Variants in POLN observed in about 807,000 individuals in gnomAD.
The protein encoded by POLN is DNA polymerase N.
Under a neutral mutation model 113.5 loss-of-function variants are expected in POLN, and 108 were observed. The ratio of observed to expected loss-of-function variants is 0.95; its 90% CI spans 0.81 to 1.12. The LOEUF (loss-of-function observed/expected upper bound fraction) is 1.12. Among genes scored for constraint, POLN ranks in the 50% most tolerant of loss-of-function variants. The probability of loss-of-function intolerance (pLI) is 0.00; values close to 1 mark genes in which losing one functional copy is unlikely to be tolerated. For synonymous variants in POLN, 386 were observed against 391.5 expected (o/e 0.99, Z 0.17); for missense variants, 1,097 against 1,077.1 (o/e 1.02, Z -0.26).
intron 19 of POLN, among the ~76,000 whole-genome samples, chr4:2,116,260 A>C (rs971215839): frequency 1.3e-5 from 2 of 152,210 alleles, no homozygotes; most frequent in African/African-American, 4.8e-5. Context: ...CTGTCACACC[A>C]ACCCACATGT....
At chr4:2,180,940 G>A (rs953788189) in intron 7 of POLN, among the ~76,000 whole-genome samples, 1 of 151,680 alleles carries the variant, frequency 6.6e-6, no homozygotes, top group Non-Finnish European at 1.5e-5. Flanking sequence ...AAGTAAATCC[G>A]AATAATATAC....
chr4:2,195,731 C>A (rs959346549), intron 6 of POLN, among the ~76,000 whole-genome samples: 1 of 152,120 alleles, frequency 6.6e-6, no homozygotes, highest in Non-Finnish European at 1.5e-5. Context: ...CATCCTCCCA[C>A]CTCAGCCTGA....
intron 16 of POLN, among the ~76,000 whole-genome samples, chr4:2,147,335 G>GA (rs1200128691): frequency 1.3e-5 from 2 of 152,130 alleles, no homozygotes; most frequent in Non-Finnish European, 2.9e-5. Context: ...AGTGCAATGA[G>GA]AAAAAAGGTC....
At chr4:2,223,661 T>C (rs149580794) in intron 3 of POLN, among the ~76,000 whole-genome samples, 47 of 152,350 alleles carry the variant, frequency 3.1e-4, no homozygotes, top group Non-Finnish European at 5.9e-5. Flanking sequence ...AGCTCAAACC[T>C]GTACAGCATG....
chr4:2,090,114 A>AT, intron 20 of POLN: 1 of 963,984 alleles, frequency 1.0e-6, no homozygotes. Context: ...AATCCAAATG[A>AT]TTTGCTAACT....
chr4:2,077,531 G>A (rs181861324), intron 23 of POLN, among the ~76,000 whole-genome samples: 17 of 152,352 alleles, frequency 1.1e-4, no homozygotes, highest in Non-Finnish European at 1.6e-4. Context: ...TCAGAGGGGC[G>A]ACAGAGCCCC....
intron 16 of POLN, among the ~76,000 whole-genome samples, chr4:2,146,583 G>T (rs1355696338): frequency 6.6e-6 from 1 of 152,098 alleles, no homozygotes; most frequent in African/African-American, 2.4e-5. Flanking sequence ...CACTGTATTG[G>T]GCTCTATAGC....
At chr4:2,110,874 TC>T (rs1280822031) in intron 19 of POLN, among the ~76,000 whole-genome samples, 6 of 152,288 alleles carry the variant, frequency 3.9e-5, no homozygotes, top group African/African-American at 9.6e-5. Context: ...GAGGGAATCC[TC>T]CCTAACTCAT....
chr4:2,158,297 C>T (rs538026679), intron 14 of POLN, among the ~76,000 whole-genome samples: 61 of 152,132 alleles, frequency 4.0e-4, no homozygotes, highest in African/African-American at 1.4e-3. Flanking sequence ...CACAGAGTGC[C>T]GGGCACGTGC....
chr4:2,148,031 G>A (rs942535315), intron 16 of POLN, among the ~76,000 whole-genome samples: 4 of 152,122 alleles, frequency 2.6e-5, no homozygotes, highest in African/African-American at 4.8e-5. Context: ...ACACAGAAAA[G>A]GCTCCCATTC....
chr4:2,161,531 G>T (rs1458391117), intron 13 of POLN, among the ~76,000 whole-genome samples: 2 of 152,200 alleles, frequency 1.3e-5, no homozygotes, highest in East Asian at 3.9e-4. Flanking sequence ...CCTGCAACCC[G>T]CCATGCCTTA....
chr4:2,131,210 C>T, intron 17 of POLN, 23 bp downstream of exon 17: 1 of 1,531,630 alleles, frequency 6.5e-7, no homozygotes, highest in Non-Finnish European at 9.0e-7. Flanking sequence ...GAGACTTTAG[C>T]AAGGTAGTAA....
At chr4:2,241,959 A>G (rs1735006192) in intron 1 of POLN, 92 bp downstream of exon 1, 1 of 984,422 alleles carries the variant, frequency 1.0e-6, no homozygotes, top group Non-Finnish European at 1.2e-6. Flanking sequence ...GGAGCGCAGG[A>G]AAAAAAAGAG....
In POLN at chr4:2,174,884, G is replaced by GT; in HGVS notation, c.1249-134dup. 2 of 616,702 alleles carry GT rather than the reference G, an allele frequency of 3.2e-6. 1 individual carries two copies. The highest frequency in any genetic ancestry group is 3.8e-5 in the South Asian group (2 of 52,228). The allele number at this position is 616,702 out of a possible 1,614,324, so 38.2% of individuals were successfully genotyped here. On this transcript the variant is annotated intron_variant, in intron 9 of 25. Coordinates refer to ENST00000511885, the MANE Select transcript of POLN (RefSeq NM_181808.4). The stretch of plus-strand genomic sequence containing the variant: ...GCTGCCCAGGTTGGAGTGCAGTGGC[G>GT]TGATCTCAGCGCACTGCAACCTCCA...
chr4:2,195,773 G>T (rs754647245), intron 6 of POLN, among the ~76,000 whole-genome samples: 27 of 152,280 alleles, frequency 1.8e-4, no homozygotes, highest in Non-Finnish European at 3.7e-4. Context: ...AACTCTTGAG[G>T]AAAGACATGA....
At chr4:2,129,056 CAAAAAAAA>C in intron 18 of POLN, 115 bp downstream of exon 18, 4 of 280,434 alleles carry the variant, frequency 1.4e-5, no homozygotes, top group Non-Finnish European at 1.2e-5. Context: ...ACTCTTGTCT[CAAAAAAAA>C]AAAAAAAAAA....
chr4:2,081,815 A>T, intron 21 of POLN, 72 bp from the exon 22 acceptor site: 2 of 1,304,586 alleles, frequency 1.5e-6, no homozygotes, highest in Non-Finnish European at 1.1e-6. Flanking sequence ...CCCTCGGGCC[A>T]GGTCCAGAGG....
intron 7 of POLN, among the ~76,000 whole-genome samples, chr4:2,185,724 T>TGACA (rs59674173): frequency 0.25 from 37,418 of 151,964 alleles, 7,106 homozygotes; most frequent in African/African-American, 0.51. Flanking sequence ...CTAGCCTGAG[T>TGACA]GACAGAGCGA....
chr4:2,161,291 G>A (rs1321242200), intron 13 of POLN, among the ~76,000 whole-genome samples: 1 of 152,220 alleles, frequency 6.6e-6, no homozygotes, highest in Non-Finnish European at 1.5e-5. Flanking sequence ...AGCGGGAACC[G>A]GGGCTGCGCG....
Sources: allele counts gnomAD v4.1 joint callset (sites outside exome capture counted in the v4.1 genomes callset), GRCh38; gene constraint gnomAD v4.1.1; transcripts MANE v1.5; gene names NCBI Gene and HGNC (gene_info 2026-07-23, HGNC 2026-07-21).